Variants in ZNF727 observed in about 807,000 individuals in gnomAD.
The protein encoded by ZNF727 is putative zinc finger protein 727.
A neutral mutation model predicts 11.5 loss-of-function variants in ZNF727; 11 were observed. That is an observed-to-expected ratio of 0.95 (90% CI 0.60 to 1.58). The LOEUF is 1.58. Among genes scored for constraint, ZNF727 ranks in the 40% most tolerant of loss-of-function variants. The pLI is 0.00. For missense variants in ZNF727, 533 were observed against 581.7 expected (o/e 0.92, Z 0.86); for synonymous variants, 171 against 196.1 (o/e 0.87, Z 1.07).
intron 1 of ZNF727, among the ~76,000 whole-genome samples, chr7:64,051,547 T>C (rs1789598397): frequency 6.6e-6 from 1 of 152,120 alleles, no homozygotes; most frequent in Non-Finnish European, 1.5e-5. Context: ...TAAAAACAAA[T>C]ACATTATTAA....
intron 1 of ZNF727, among the ~76,000 whole-genome samples, chr7:64,065,235 T>A (rs915970823): frequency 6.6e-6 from 1 of 152,142 alleles, no homozygotes; most frequent in Admixed American, 6.6e-5. Context: ...TGAGTTTAGT[T>A]TTAGTCCCAG....
chr7:64,062,043 A>G (rs112493184), intron 1 of ZNF727, among the ~76,000 whole-genome samples: 1 of 21,372 alleles, frequency 4.7e-5, no homozygotes, highest in South Asian at 1.1e-3. Context: ...GTTTCTATTT[A>G]TATCTTATTA....
intron 2 of ZNF727, 81 bp from the exon 3 acceptor site, chr7:64,069,433 C>T: frequency 8.7e-7 from 1 of 1,143,328 alleles, no homozygotes; most frequent in Non-Finnish European, 1.3e-6. Flanking sequence ...ATAATGTTCT[C>T]TCTTCTCTAC....
intron 1 of ZNF727, among the ~76,000 whole-genome samples, chr7:64,053,902 GTTA>G (rs1292983336): frequency 1.3e-5 from 2 of 152,156 alleles, no homozygotes; most frequent in African/African-American, 2.4e-5. Flanking sequence ...TTATTTAGAG[GTTA>G]ACTCACATTA....
Position 64,077,376 on chromosome 7 carries a change from T to C in ZNF727, c.327T>C (p.Asn109=), listed in dbSNP as rs985726592. Residue 109 remains asparagine, a synonymous_variant, in exon 4 of 4, where the codon AAT becomes AAC. Transcript: ENST00000456806. ...ILRKSGSCDL[N]TLRLKKDYQR... Reference sequence around the variant, plus strand: ...GAAAATCTGGAAGCTGTGACCTTAATACTTTACGTTTAAAGAAAGACTACC... The same window carrying C: ...GAAAATCTGGAAGCTGTGACCTTAACACTTTACGTTTAAAGAAAGACTACC... The C allele has an allele frequency of 6.4e-7, 1 of 1,551,580 alleles. No homozygotes were observed. Among genetic ancestry groups the C allele is most frequent in the African/African-American group, 1.4e-5 (1 of 73,024 alleles).
chr7:64,045,745 GC>G (rs1165528914), intron 1 of ZNF727, 121 bp downstream of exon 1: 2 of 1,286,338 alleles, frequency 1.6e-6, no homozygotes, highest in Non-Finnish European at 2.2e-6. Context: ...GTCCCCGTGG[GC>G]ACAGTTCAGT....
Position 64,081,404 on chromosome 7 carries a change from G to T in ZNF727, c.*2855G>T, listed in dbSNP as rs1785790322. ...TCTACAATAGCAATTGCTGGGAGTG[G>T]CAGGGGCATACTACATTTCCATTTT... On this transcript the variant is annotated 3_prime_UTR_variant, in exon 4 of 4. Coordinates refer to ENST00000456806, the MANE Select transcript of ZNF727 (RefSeq NM_001159522.3). Among the ~76,000 whole-genome samples the T allele has an allele frequency of 6.6e-6, 1 of 152,094 alleles. No individual in the cohort carries two copies. The highest frequency in any genetic ancestry group is 1.5e-5 in the Non-Finnish European group (1 of 68,014).
At position 64,075,633 on chromosome 7, in the gene ZNF727, G is replaced by A. The variant is rs180694556; in HGVS notation, c.227-1643G>A. Among the ~76,000 whole-genome samples the A allele has an allele frequency of 4.6e-5, 7 of 152,136 alleles. No homozygotes were observed. In the East Asian group the frequency reaches 1.4e-3, roughly 29 times the overall value. Reference sequence around the variant, plus strand: ...TCTTAAGTAAATTAATGCAAAAACAGAAAGCCAAATACTACATGTTCTTAC... The same window carrying A: ...TCTTAAGTAAATTAATGCAAAAACAAAAAGCCAAATACTACATGTTCTTAC... On this transcript the variant is annotated intron_variant, in intron 3 of 3. Coordinates refer to ENST00000456806, the MANE Select transcript of ZNF727 (RefSeq NM_001159522.3).
rs560995822 is a variant in ZNF727, at chr7:64,058,950, C to CTTTTTTTTTTTTTTTTT, written c.4-9929_4-9928insTTTTTTTTTTTTTTTTT. On this transcript the variant is annotated intron_variant, in intron 1 of 3. Coordinates refer to ENST00000456806, the MANE Select transcript of ZNF727 (RefSeq NM_001159522.3). ...CTATTGCTTATGGCTATTGCATTGT[C>CTTTTTTTTTTTTTTTTT]TTTTTTTTTTTTGAGACGGAGTCTC... Among the ~76,000 whole-genome samples the CTTTTTTTTTTTTTTTTT allele has an allele frequency of 3.1e-4, 45 of 145,402 alleles. 1 individual carries two copies. Among genetic ancestry groups the CTTTTTTTTTTTTTTTTT allele is most frequent in the East Asian group, 2.6e-3 (12 of 4,550 alleles).
At position 64,077,487 on chromosome 7, in the gene ZNF727, A is replaced by G. The variant is rs1207572185; in HGVS notation, c.438A>G (p.Gln146=). The G allele has an allele frequency of 9.0e-6, 14 of 1,551,606 alleles. No homozygotes were observed. Among genetic ancestry groups the G allele is most frequent in the African/African-American group, 1.4e-5 (1 of 73,044 alleles). ...CAGCTACCCGTAGCAAAACCTGTCA[A>G]TATAATAAATGTGGCAAAGCTTTTG... ...CLSATRSKTC[Q]YNKCGKAFGL... The change falls in exon 4 of 4, where the codon CAA becomes CAG. Residue 146 remains glutamine (Q), a synonymous_variant. Coordinates refer to ENST00000456806, the MANE Select transcript of ZNF727 (RefSeq NM_001159522.3).
At chr7:64,058,529 A>G (rs1181495693) in intron 1 of ZNF727, among the ~76,000 whole-genome samples, 1 of 152,028 alleles carries the variant, frequency 6.6e-6, no homozygotes, top group Non-Finnish European at 1.5e-5. Flanking sequence ...CATCCACTCA[A>G]CTGGGCTTCT....
At chr7:64,066,970 C>G (rs1789879429) in intron 1 of ZNF727, among the ~76,000 whole-genome samples, 1 of 152,008 alleles carries the variant, frequency 6.6e-6, no homozygotes, top group African/African-American at 2.4e-5. Flanking sequence ...ACTAAACAAA[C>G]AGAATGAGAG....
At chr7:64,050,107 CTG>C (rs745462861) in intron 1 of ZNF727, among the ~76,000 whole-genome samples, 9 of 151,852 alleles carry the variant, frequency 5.9e-5, no homozygotes, top group Non-Finnish European at 1.0e-4. Flanking sequence ...TCAGAAGACA[CTG>C]TTTTTTATTA....
rs61734882 is a variant in ZNF727, at chr7:64,078,400, C to T, written c.1351C>T (p.Pro451Ser). The change falls in exon 4 of 4, where the codon CCC (proline) becomes TCC (serine). Residue 451 changes from proline to serine, a missense_variant. Transcript: ENST00000456806. ...NHKRIHTGEK[P>S]YKCEECGKTF... ...TAAGAGAATTCACACTGGAGAGAAG[C>T]CCTACAAATGTGAAGAATGTGGCAA... 1.3e-3 allele frequency: 2,074 copies of T among 1,593,290 alleles called. 22 individuals carry two copies. The African/African-American group carries it at 0.024, about 18-fold the overall frequency.
In ZNF727 at chr7:64,082,797, G is replaced by A. The variant is rs1239652934; in HGVS notation, c.*4248G>A. Among the ~76,000 whole-genome samples the A allele has an allele frequency of 1.3e-5, 2 of 151,952 alleles. No homozygotes were observed. The highest frequency in any genetic ancestry group is 2.9e-5 in the Non-Finnish European group (2 of 68,020). ...ATCGGGAGGCTGAGGCAGGAGAATT[G>A]CTTGAACCCAGGAGGCAGATGTTGC... On this transcript the variant is annotated 3_prime_UTR_variant, in exon 4 of 4. Coordinates refer to ENST00000456806, the MANE Select transcript of ZNF727 (RefSeq NM_001159522.3).
chr7:64,077,060 C>T (rs1042418791), intron 3 of ZNF727, among the ~76,000 whole-genome samples: 11 of 152,186 alleles, frequency 7.2e-5, no homozygotes, highest in South Asian at 4.2e-4. Context: ...ATTTTTCTCA[C>T]GAGGTGCTAC....
At chr7:64,071,581 A>G (rs2116318099) in intron 3 of ZNF727, among the ~76,000 whole-genome samples, 1 of 152,088 alleles carries the variant, frequency 6.6e-6, no homozygotes, top group African/African-American at 2.4e-5. Context: ...TTGGTTATGC[A>G]GAAGCGTTTT....
Position 64,067,288 on chromosome 7 carries a change from TC to T in ZNF727, c.4-1602del, listed in dbSNP as rs577731963. On this transcript the variant is annotated intron_variant, in intron 1 of 3. Transcript: ENST00000456806. ...AGAAATAGGAACACTTTTACACTGTTCTTGGGAGTGTAAATTAGTTCAACCA... is the reference window on the plus strand; with the variant it reads ...AGAAATAGGAACACTTTTACACTGTTTTGGGAGTGTAAATTAGTTCAACCA... 3.6e-3 allele frequency among the ~76,000 whole-genome samples: 543 copies of T among 152,300 alleles called. 5 individuals carry two copies. The highest frequency in any genetic ancestry group is 0.012 in the African/African-American group (501 of 41,560).
At chr7:64,051,418 A>G (rs1473907227) in intron 1 of ZNF727, among the ~76,000 whole-genome samples, 1 of 152,236 alleles carries the variant, frequency 6.6e-6, no homozygotes, top group Non-Finnish European at 1.5e-5. Flanking sequence ...ATCTGCCCAC[A>G]AAGGCCAGAC....
Sources: gnomAD v4.1 joint callset for allele counts (sites outside exome capture counted in the v4.1 genomes callset) on GRCh38, gnomAD v4.1.1 for gene constraint, MANE v1.5 for transcripts, NCBI Gene and HGNC (gene_info 2026-07-23, HGNC 2026-07-21) for gene names.